The following ROBO2 variants were observed in gnomAD, a reference collection of about 807,000 sequenced individuals.
ROBO2 encodes roundabout homolog 2.
ROBO2 carries 53 observed loss-of-function variants against 160.8 expected under a neutral mutation model. The observed-to-expected ratio is 0.33, with a 90% CI of 0.26 to 0.41. The LOEUF is 0.41. Among genes scored for constraint, ROBO2 ranks in the 10% least tolerant of loss-of-function variants. The pLI is 1.00. For missense variants in ROBO2, 1,577 were observed against 1,722.4 expected (o/e 0.92, Z 1.49); for synonymous variants, 664 against 611.7 (o/e 1.09, Z -1.26).
At chr3:77,508,742 A>G (rs1241694286) in intron 5 of ROBO2, among the ~76,000 whole-genome samples, 1 of 152,010 alleles carries the variant, frequency 6.6e-6, no homozygotes, top group Non-Finnish European at 1.5e-5. Flanking sequence ...GGGTTTATCA[A>G]TAATGGAATC....
chr3:76,447,110 C>A (rs2077222732), intron 2 of ROBO2, among the ~76,000 whole-genome samples: 2 of 152,122 alleles, frequency 1.3e-5, no homozygotes, highest in African/African-American at 4.8e-5. Flanking sequence ...AGGCAGCCTA[C>A]AGAATGGGAG....
At chr3:77,076,061 G>GA (rs1233081377) in intron 1 of ROBO2, among the ~76,000 whole-genome samples, 1 of 149,850 alleles carries the variant, frequency 6.7e-6, no homozygotes, top group Admixed American at 6.6e-5. Context: ...GAAATATTGG[G>GA]AAAAAAAGAA....
chr3:77,527,559 T>A (rs1020645665), intron 6 of ROBO2, 145 bp downstream of exon 7: 2 of 522,120 alleles, frequency 3.8e-6, no homozygotes, highest in South Asian at 3.5e-5. Flanking sequence ...AAGTTGCTCA[T>A]GTTTTTTTTA....
At chr3:76,136,284 C>T (rs1203124578) in intron 2 of ROBO2, among the ~76,000 whole-genome samples, 3 of 151,822 alleles carry the variant, frequency 2.0e-5, no homozygotes, top group Admixed American at 6.6e-5. Flanking sequence ...CTTGTTTCTG[C>T]CTTTTTGGAA....
At chr3:76,026,568 A>C (rs1417739250) in intron 2 of ROBO2, among the ~76,000 whole-genome samples, 1 of 151,988 alleles carries the variant, frequency 6.6e-6, no homozygotes, top group African/African-American at 2.4e-5. Context: ...TTGTACAAAA[A>C]AATTATGAAT....
chr3:76,111,409 TATGGGAG>T (rs540391977), intron 2 of ROBO2, among the ~76,000 whole-genome samples: 1 of 152,056 alleles, frequency 6.6e-6, no homozygotes, highest in African/African-American at 2.4e-5. Context: ...CCTCCAGAAA[TATGGGAG>T]AATAAATTTC....
At chr3:76,016,475 T>A (rs1408386944) in intron 2 of ROBO2, among the ~76,000 whole-genome samples, 1 of 152,004 alleles carries the variant, frequency 6.6e-6, no homozygotes, top group East Asian at 1.9e-4. Flanking sequence ...ATTGTCATTC[T>A]CCAATGTCAG....
At chr3:77,420,357 T>C (rs377152076) in intron 2 of ROBO2, among the ~76,000 whole-genome samples, 25 of 152,084 alleles carry the variant, frequency 1.6e-4, no homozygotes, top group African/African-American at 5.8e-4. Context: ...ATGGTATATA[T>C]GGTCGTGTAT....
chr3:77,087,025 T>C (rs1431293670), intron 1 of ROBO2, among the ~76,000 whole-genome samples: 1 of 152,124 alleles, frequency 6.6e-6, no homozygotes, highest in Non-Finnish European at 1.5e-5. Flanking sequence ...ATATCATTGC[T>C]GGTGGGAATG....
intron 1 of ROBO2, among the ~76,000 whole-genome samples, chr3:75,924,733 G>A (rs1947214390): frequency 9.0e-6 from 1 of 110,640 alleles, no homozygotes; most frequent in South Asian, 3.2e-4. Context: ...CTGTGGCTCA[G>A]GCTGGAGTGC....
At chr3:77,356,587 T>A (rs2153463147) in intron 2 of ROBO2, among the ~76,000 whole-genome samples, 1 of 152,282 alleles carries the variant, frequency 6.6e-6, no homozygotes, top group South Asian at 2.1e-4. Context: ...ATAGAAAAAC[T>A]TGCAAATTGA....
At chr3:77,124,979 A>G (rs1005219007) in intron 2 of ROBO2, among the ~76,000 whole-genome samples, 1 of 150,622 alleles carries the variant, frequency 6.6e-6, no homozygotes, top group African/African-American at 2.4e-5. Flanking sequence ...ACTTTTACTC[A>G]TTATAAATAC....
rs554877988 is a variant in ROBO2 at position 77,212,593 on chromosome 3, C to A, written c.388+114253C>A. On this transcript the variant is annotated intron_variant, in intron 2 of 25. Transcript: ENST00000461745. ...TCCTTCTCCTGCCTGATTGCCCTGG[C>A]CAGAACTTCCAACACTATGTTGAAT... 2.7e-3 allele frequency among the ~76,000 whole-genome samples: 404 copies of A among 152,228 alleles called. 4 individuals are homozygous for A. The highest frequency in any genetic ancestry group is 8.0e-3 in the African/African-American group (333 of 41,552).
intron 20 of ROBO2, among the ~76,000 whole-genome samples, chr3:77,605,743 G>A (rs961466506): frequency 3.9e-5 from 6 of 152,138 alleles, no homozygotes; most frequent in East Asian, 1.9e-4. Context: ...TGTGGACCAC[G>A]TAACACTCAG....
At chr3:77,416,799 A>G (rs918929437) in intron 2 of ROBO2, among the ~76,000 whole-genome samples, 2 of 151,362 alleles carry the variant, frequency 1.3e-5, no homozygotes, top group African/African-American at 4.9e-5. Flanking sequence ...GAAAGGAGGG[A>G]GTACATCTCA....
intron 2 of ROBO2, among the ~76,000 whole-genome samples, chr3:77,114,633 T>C (rs1485949349): frequency 6.6e-6 from 1 of 152,168 alleles, no homozygotes; most frequent in Non-Finnish European, 1.5e-5. Context: ...CTAAGGCAAA[T>C]GGTTTTTTGA....
chr3:77,602,100 G>A (rs1583215219), intron 19 of ROBO2, 110 bp from the exon 21 acceptor site: 1 of 1,113,394 alleles, frequency 9.0e-7, no homozygotes, highest in East Asian at 2.4e-5. Flanking sequence ...GCCCATCTCA[G>A]CTGAAATGCA....
intron 2 of ROBO2, among the ~76,000 whole-genome samples, chr3:76,850,965 T>G (rs973742559): frequency 1.3e-5 from 2 of 152,200 alleles, no homozygotes; most frequent in Non-Finnish European, 2.9e-5. Flanking sequence ...CCAGAGTCCC[T>G]TCCAAAGCTA....
At chr3:76,455,907 C>T (rs2077724996) in intron 2 of ROBO2, among the ~76,000 whole-genome samples, 1 of 152,094 alleles carries the variant, frequency 6.6e-6, no homozygotes, top group African/African-American at 2.4e-5. Flanking sequence ...TGATTGCTGA[C>T]AGAGAAATCA....
Sources: allele counts gnomAD v4.1 joint callset (sites outside exome capture counted in the v4.1 genomes callset), GRCh38; gene constraint gnomAD v4.1.1; transcripts MANE v1.5; gene names NCBI Gene and HGNC (gene_info 2026-07-23, HGNC 2026-07-21).